Variants in ANKS1B observed in about 807,000 individuals in gnomAD.
ANKS1B encodes ankyrin repeat and sterile alpha motif domain-containing protein 1B.
In ANKS1B, 36 loss-of-function variants were observed where a neutral mutation model predicts 148.3. The observed-to-expected ratio is 0.24, with a 90% CI of 0.19 to 0.32. The LOEUF is 0.32. Among genes scored for constraint, ANKS1B ranks in the 10% least tolerant of loss-of-function variants. The pLI is 1.00. For synonymous variants in ANKS1B, 542 were observed against 560.8 expected (o/e 0.97, Z 0.47); for missense variants, 1,157 against 1,542.6 (o/e 0.75, Z 4.19).
chr12:99,502,178 A>G (rs1391892391), intron 10 of ANKS1B, among the ~76,000 whole-genome samples: 1 of 152,090 alleles, frequency 6.6e-6, no homozygotes, highest in Non-Finnish European at 1.5e-5. Flanking sequence ...CTGTGCCCCA[A>G]TTAAAGCTCT....
At chr12:99,686,840 A>G (rs1450251999) in intron 8 of ANKS1B, among the ~76,000 whole-genome samples, 1 of 152,184 alleles carries the variant, frequency 6.6e-6, no homozygotes, top group African/African-American at 2.4e-5. Flanking sequence ...TATTATTTTT[A>G]CTGTACACAG....
intron 9 of ANKS1B, among the ~76,000 whole-genome samples, chr12:99,618,217 C>A (rs2097995808): frequency 6.6e-6 from 1 of 152,116 alleles, no homozygotes; most frequent in African/African-American, 2.4e-5. Flanking sequence ...ATTTCTTTTC[C>A]CCAGCACTGT....
intron 14 of ANKS1B, among the ~76,000 whole-genome samples, chr12:99,161,626 T>C (rs1374936773): frequency 6.6e-6 from 1 of 152,068 alleles, no homozygotes; most frequent in Non-Finnish European, 1.5e-5. Flanking sequence ...ATAAGCTAAA[T>C]GGTAGGTTAG....
chr12:99,140,646 C>T (rs1040627777), intron 15 of ANKS1B, among the ~76,000 whole-genome samples: 13 of 152,086 alleles, frequency 8.5e-5, no homozygotes, highest in Admixed American at 3.9e-4. Flanking sequence ...CAGATGTTCA[C>T]GAAGGTTGAG....
At chr12:99,739,335 T>G (rs1434854348) in intron 8 of ANKS1B, among the ~76,000 whole-genome samples, 2 of 128,674 alleles carry the variant, frequency 1.6e-5, no homozygotes, top group African/African-American at 6.0e-5. Context: ...ATGGGGAGGG[T>G]TTTTTTTGGG....
chr12:99,416,815 G>A (rs754291805), intron 11 of ANKS1B, among the ~76,000 whole-genome samples: 46 of 152,010 alleles, frequency 3.0e-4, no homozygotes, highest in Non-Finnish European at 6.0e-4. Context: ...TTCTTAATAG[G>A]GTTTTTCACA....
At chr12:99,161,119 G>C (rs1480892824) in intron 14 of ANKS1B, among the ~76,000 whole-genome samples, 1 of 152,200 alleles carries the variant, frequency 6.6e-6, no homozygotes. Flanking sequence ...ATTGCTTTGG[G>C]AAGTATGGCC....
At chr12:99,927,807 A>G (rs1187161646) in intron 1 of ANKS1B, among the ~76,000 whole-genome samples, 1 of 152,110 alleles carries the variant, frequency 6.6e-6, no homozygotes, top group South Asian at 2.1e-4. Context: ...AGAAGAAGAA[A>G]CAAGAATATG....
At chr12:99,799,276 T>A (rs2066641362) in intron 4 of ANKS1B, among the ~76,000 whole-genome samples, 1 of 152,110 alleles carries the variant, frequency 6.6e-6, no homozygotes, top group Admixed American at 6.6e-5. Flanking sequence ...ATCAGCCTCT[T>A]CTGTCTCCCT....
At chr12:98,798,867 C>T in intron 22 of ANKS1B, 67 bp downstream of exon 22, 7 of 1,331,010 alleles carry the variant, frequency 5.3e-6, no homozygotes, top group Non-Finnish European at 7.4e-6. Flanking sequence ...TGAAAGGTGG[C>T]AATTTGTATC....
At chr12:99,637,930 T>C (rs924929034) in intron 9 of ANKS1B, among the ~76,000 whole-genome samples, 1 of 151,716 alleles carries the variant, frequency 6.6e-6, no homozygotes, top group African/African-American at 2.4e-5. Flanking sequence ...TAATACACCA[T>C]GTGTCATGGG....
intron 17 of ANKS1B, among the ~76,000 whole-genome samples, chr12:98,982,154 C>T (rs890631367): frequency 1.3e-5 from 2 of 152,120 alleles, no homozygotes; most frequent in Admixed American, 1.3e-4. Context: ...TTATTAAATG[C>T]TTATTAGATA....
At position 99,122,988 on chromosome 12, in the gene ANKS1B, TA is replaced by T. The variant is rs139209801; in HGVS notation, c.2526+31300del. Among the ~76,000 whole-genome samples the T allele has an allele frequency of 7.4e-3, 313 of 42,200 alleles. 2 individuals carry two copies. Among genetic ancestry groups the T allele is most frequent in the Middle Eastern group, 0.054 (5 of 92 alleles). The allele number at this position is 42,200 out of a possible 152,430, so 27.7% of individuals were successfully genotyped here. A position where few individuals can be genotyped will look rare whatever the true frequency, so the allele number is the denominator to read the frequency against. On this transcript the variant is annotated intron_variant, in intron 15 of 26. Transcript: ENST00000683438. ...GGAGCTAGAAATAAATCAGTAAAAT[TA>T]AAAAAAAAATATATATATATATATA...
chr12:99,126,057 A>G (rs553823260), intron 15 of ANKS1B, among the ~76,000 whole-genome samples: 1 of 152,294 alleles, frequency 6.6e-6, no homozygotes, highest in South Asian at 2.1e-4. Context: ...TCTTGGTATG[A>G]TGTATTTGTT....
At chr12:99,073,239 C>A (rs1044978350) in intron 16 of ANKS1B, among the ~76,000 whole-genome samples, 1 of 152,150 alleles carries the variant, frequency 6.6e-6, no homozygotes, top group African/African-American at 2.4e-5. Context: ...CATGGTCAGA[C>A]AATTAGGCAA....
intron 17 of ANKS1B, among the ~76,000 whole-genome samples, chr12:98,969,863 A>G (rs189694368): frequency 1.1e-3 from 170 of 152,322 alleles, no homozygotes; most frequent in Admixed American, 2.9e-3. Flanking sequence ...GGCTCATTCT[A>G]TCTAACTACA....
intron 25 of ANKS1B, among the ~76,000 whole-genome samples, chr12:98,760,027 C>T (rs560210459): frequency 3.3e-5 from 5 of 152,018 alleles, no homozygotes; most frequent in East Asian, 1.9e-4. Flanking sequence ...TAAAAGACTA[C>T]GTAAAAATAT....
At chr12:98,896,995 GA>G (rs2099765589) in intron 17 of ANKS1B, among the ~76,000 whole-genome samples, 1 of 152,186 alleles carries the variant, frequency 6.6e-6, no homozygotes, top group Non-Finnish European at 1.5e-5. Context: ...AGGCTATTTG[GA>G]AAGGAGGTGT....
At chr12:99,620,534 T>A (rs1468827438) in intron 9 of ANKS1B, among the ~76,000 whole-genome samples, 1 of 152,062 alleles carries the variant, frequency 6.6e-6, no homozygotes, top group Admixed American at 6.5e-5. Flanking sequence ...TTAAAAGAAA[T>A]CAATCAGAGC....
Sources: gnomAD v4.1 joint callset for allele counts (sites outside exome capture counted in the v4.1 genomes callset) on GRCh38, gnomAD v4.1.1 for gene constraint, MANE v1.5 for transcripts, NCBI Gene and HGNC (gene_info 2026-07-23, HGNC 2026-07-21) for gene names.